Variants in EDARADD observed in about 807,000 individuals in gnomAD.
The protein encoded by EDARADD is EDAR associated via death domain.
In EDARADD, 20 loss-of-function variants were observed where a neutral mutation model predicts 25.6. The ratio of observed to expected loss-of-function variants is 0.78; its 90% CI spans 0.55 to 1.14. The LOEUF (loss-of-function observed/expected upper bound fraction) is 1.14, where lower values mean the gene tolerates loss of function less well. Among genes scored for constraint, EDARADD ranks in the 50% most tolerant of loss-of-function variants. The probability of loss-of-function intolerance (pLI) is 0.00; values close to 1 mark genes in which losing one functional copy is unlikely to be tolerated. For synonymous variants in EDARADD, 86 were observed against 94.4 expected (o/e 0.91, Z 0.52); for missense variants, 225 against 270.1 (o/e 0.83, Z 1.17).
intron 3 of EDARADD, among the ~76,000 whole-genome samples, chr1:236,356,628 T>G (rs904489345): frequency 6.6e-6 from 1 of 152,068 alleles, no homozygotes; most frequent in African/African-American, 2.4e-5. Flanking sequence ...ATTGATAAAA[T>G]GGCAAAATAA....
chr1:236,363,907 C>T (rs940240651), intron 3 of EDARADD, among the ~76,000 whole-genome samples: 3 of 150,732 alleles, frequency 2.0e-5, no homozygotes, highest in South Asian at 2.1e-4. Context: ...GGCTCACACC[C>T]GCAATCCCAG....
At chr1:236,466,722 G>A (rs1193295225) in intron 4 of EDARADD, among the ~76,000 whole-genome samples, 1 of 152,128 alleles carries the variant, frequency 6.6e-6, no homozygotes, top group Non-Finnish European at 1.5e-5. Context: ...GGTGAGCTTG[G>A]GATGAGGAGA....
chr1:236,405,809 TTTCC>T (rs1213940917), intron 1 of EDARADD, among the ~76,000 whole-genome samples: 1 of 129,446 alleles, frequency 7.7e-6, no homozygotes, highest in African/African-American at 2.9e-5. Flanking sequence ...TCTTTCTTTC[TTTCC>T]TTCCTTCCTT....
chr1:236,398,659 C>T lies in EDARADD; in HGVS notation c.61+4154C>T, dbSNP rs1295728874. On this transcript the variant is annotated intron_variant, in intron 1 of 5. Transcript: ENST00000334232. This position sits in a 1 kb window ranked among gnomAD's most constrained non-coding sequence, Gnocchi z 4.1. ...CTGGCCTTTGCAAACTTTGTTCCTG[C>T]GGCCTGGAAGGACCCCTGCATTCCA... 6.6e-6 allele frequency among the ~76,000 whole-genome samples: 1 copy of T among 152,164 alleles called. No homozygotes were observed. The highest frequency in any genetic ancestry group is 1.5e-5 in the Non-Finnish European group (1 of 68,028).
intron 1 of EDARADD, among the ~76,000 whole-genome samples, chr1:236,407,634 A>T (rs1401983036): frequency 7.0e-6 from 1 of 142,544 alleles, no homozygotes; most frequent in Non-Finnish European, 1.5e-5. Context: ...ATTTGGATCA[A>T]AAGTGAATGC....
At chr1:236,401,562 G>A (rs1216393869) in intron 1 of EDARADD, among the ~76,000 whole-genome samples, 1 of 152,214 alleles carries the variant, frequency 6.6e-6, no homozygotes, top group Non-Finnish European at 1.5e-5. Context: ...CATTCCTGAA[G>A]AGGCTCTGAT....
intron 3 of EDARADD, among the ~76,000 whole-genome samples, chr1:236,423,230 T>C (rs1408285098): frequency 6.6e-6 from 1 of 152,072 alleles, no homozygotes; most frequent in Non-Finnish European, 1.5e-5. Context: ...AGAAATATGT[T>C]GCCACCAGAA....
At chr1:236,378,673 C>G (rs1379791629) in intron 3 of EDARADD, among the ~76,000 whole-genome samples, 2 of 152,122 alleles carry the variant, frequency 1.3e-5, no homozygotes, top group Non-Finnish European at 2.9e-5. Flanking sequence ...AGCAAAATAA[C>G]TATTTTATTG....
intron 5 of EDARADD, among the ~76,000 whole-genome samples, chr1:236,477,432 T>C (rs886933352): frequency 1.3e-5 from 2 of 152,168 alleles, no homozygotes; most frequent in Non-Finnish European, 2.9e-5. Flanking sequence ...GGAGCAGAGA[T>C]ACCTATCTGT....
intron 4 of EDARADD, among the ~76,000 whole-genome samples, chr1:236,455,569 G>T (rs1658836374): frequency 6.6e-6 from 1 of 152,206 alleles, no homozygotes; most frequent in South Asian, 2.1e-4. Flanking sequence ...AGGAACCAGG[G>T]CTATTACATG....
intron 4 of EDARADD, among the ~76,000 whole-genome samples, chr1:236,437,481 G>A (rs1373025419): frequency 6.6e-6 from 1 of 152,102 alleles, no homozygotes; most frequent in Non-Finnish European, 1.5e-5. Context: ...GGATGGTCTA[G>A]GGGTTAGATA....
chr1:236,461,441 G>A (rs942101099), intron 4 of EDARADD, among the ~76,000 whole-genome samples: 20 of 152,098 alleles, frequency 1.3e-4, no homozygotes, highest in African/African-American at 4.1e-4. Flanking sequence ...TGGCACCTTC[G>A]TCAAAAATGA....
At chr1:236,480,135 A>ATATATATATATC (rs1257964139) in intron 5 of EDARADD, among the ~76,000 whole-genome samples, 3 of 135,512 alleles carry the variant, frequency 2.2e-5, no homozygotes, top group Non-Finnish European at 4.8e-5. Flanking sequence ...ATATATATAT[A>ATATATATATATC]TCACATTTTC....
intron 3 of EDARADD, among the ~76,000 whole-genome samples, chr1:236,384,926 A>C (rs578070974): frequency 1.3e-5 from 2 of 152,126 alleles, no homozygotes; most frequent in Non-Finnish European, 2.9e-5. Flanking sequence ...AAATGCTTTA[A>C]AATTTGGATA....
Position 236,377,752 on chromosome 1 carries a change from G to A in EDARADD, c.-6+26913G>A, listed in dbSNP as rs1667241194. Among the ~76,000 whole-genome samples the A allele has an allele frequency of 2.0e-5, 3 of 151,776 alleles. No homozygotes were observed. The South Asian group carries it at 6.2e-4, about 32-fold the overall frequency. On this transcript the variant is annotated intron_variant, in intron 3 of 7. Transcript: ENST00000439430. ...GCATGTCTGTAGTCCCAGCTACTCG[G>A]GAGGCTGAGGCAGGAGAATCGCTTG... is the stretch of plus-strand genomic sequence containing the variant.
intron 4 of EDARADD, among the ~76,000 whole-genome samples, chr1:236,448,049 G>A (rs1026900495): frequency 2.0e-5 from 3 of 152,152 alleles, no homozygotes; most frequent in African/African-American, 7.2e-5. Flanking sequence ...TGGTCAGGCT[G>A]GTCTCAAACT....
chr1:236,445,184 C>T (rs1361942190), intron 4 of EDARADD, among the ~76,000 whole-genome samples: 6 of 149,716 alleles, frequency 4.0e-5, no homozygotes, highest in East Asian at 3.9e-4. Flanking sequence ...TCCACTGTAA[C>T]GTTTATTTAC....
intron 3 of EDARADD, among the ~76,000 whole-genome samples, chr1:236,375,284 A>G (rs1235180231): frequency 6.6e-6 from 1 of 152,340 alleles, no homozygotes; most frequent in East Asian, 1.9e-4. Flanking sequence ...ATATATATGT[A>G]TATAAGCATA....
At chr1:236,465,340 G>T (rs68188176) in intron 4 of EDARADD, among the ~76,000 whole-genome samples, 30,393 of 152,010 alleles carry the variant, frequency 0.2, 3,815 homozygotes, top group African/African-American at 0.36. Context: ...CCTTGGACAG[G>T]CCCCAGTGTA....
Sources: gnomAD v4.1 joint callset for allele counts (sites outside exome capture counted in the v4.1 genomes callset) on GRCh38, gnomAD v4.1.1 for gene constraint, Gnocchi (gnomAD v3.1) non-coding constraint, MANE v1.5 for transcripts, NCBI Gene and HGNC (gene_info 2026-07-23, HGNC 2026-07-21) for gene names.